CD1D: variants seen among roughly 807,000 people sequenced by gnomAD.
CD1D encodes the protein CD1d molecule, also known as antigen-presenting glycoprotein CD1d.
A neutral mutation model predicts 42.1 loss-of-function variants in CD1D; 40 were observed. The observed-to-expected ratio is 0.95, with a 90% CI of 0.74 to 1.24. The LOEUF (loss-of-function observed/expected upper bound fraction) is 1.24. Ranked by LOEUF, CD1D falls within the 50% of genes most tolerant of loss-of-function variation. The pLI is 0.00. For synonymous variants in CD1D, 178 were observed against 171.8 expected, an observed-to-expected ratio of 1.04 and a Z score of -0.28; for missense variants, 437 against 416.5, an observed-to-expected ratio of 1.05 and a Z score of -0.43.
intron 2 of CD1D, 22 bp from the exon 3 acceptor site, chr1:158,182,010 C>G (rs560271840): frequency 8.3e-6 from 13 of 1,569,222 alleles, no homozygotes. Flanking sequence ...CTTCTTTGAT[C>G]TTTCTCCATT....
chr1:158,178,568 A>G (rs1022393687), upstream of CD1D, among the ~76,000 whole-genome samples: 1 of 152,200 alleles, frequency 6.6e-6, no homozygotes, highest in Non-Finnish European at 1.5e-5. Context: ...TCAGGCTCCA[A>G]GGTTTTGGTC....
upstream of CD1D, chr1:158,179,952 C>T (rs1248973319): frequency 6.6e-6 from 1 of 152,160 alleles, no homozygotes; most frequent in Admixed American, 6.5e-5. Flanking sequence ...ATTTTGTTTT[C>T]TACCCAAGAA....
chr1:158,184,360 CACT>C lies in CD1D; in HGVS notation c.*213_*215del. 1 of 604,162 alleles carries C rather than the reference CACT, an allele frequency of 1.7e-6. No homozygotes were observed. Among genetic ancestry groups the C allele is most frequent in the Non-Finnish European group, 2.9e-6 (1 of 343,760 alleles). 37.4% of individuals were successfully genotyped at this position (604,162 alleles called of 1,614,324 possible). ...AATTTAAATTCTTTTTCAAAAATTA[CACT>C]ACAAGTTTATAAGCCCAAATGGCTC... On this transcript the variant is annotated 3_prime_UTR_variant, in exon 6 of 6. Transcript: ENST00000674085.
Position 158,183,965 on chromosome 1 carries a change from G to A in CD1D, c.916G>A (p.Ala306Thr). Residue 306 changes from alanine to threonine, a missense_variant, in exon 5 of 6, where the codon GCC (alanine) becomes ACC (threonine). Transcript: ENST00000674085. ...GGSYTSMGLI[A>T]LAVLACLLFL... The stretch of plus-strand genomic sequence containing the variant: ...GAGCTACACCTCCATGGGCTTGATT[G>A]CCTTGGCAGTCCTGGCGTGCTTGCT... The A allele has an allele frequency of 6.2e-7, 1 of 1,614,180 alleles. No individual in the cohort carries two copies. Among genetic ancestry groups the A allele is most frequent in the African/African-American group, 1.3e-5 (1 of 75,046 alleles).
At chr1:158,183,805 A>G in intron 4 of CD1D, 131 bp from the exon 5 acceptor site, 1 of 735,398 alleles carries the variant, frequency 1.4e-6, no homozygotes, top group Non-Finnish European at 2.4e-6. Flanking sequence ...TATGAGGAAT[A>G]GAAATTGGGG....
At position 158,181,574 on chromosome 1, in the gene CD1D, G is replaced by A. The variant is rs762132850; in HGVS notation, c.181G>A (p.Asp61Asn). The A allele has an allele frequency of 6.2e-7, 1 of 1,614,098 alleles. No homozygotes were observed. The highest frequency in any genetic ancestry group is 8.5e-7 in the Non-Finnish European group (1 of 1,180,026). ...GCTGCAGACGCACAGCTGGAGCAAC[G>A]ACTCGGACACCGTCCGCTCTCTGAA... ...GELQTHSWSN[D>N]SDTVRSLKPW... The change falls in exon 2 of 6, where the codon GAC becomes AAC. Residue 61 changes from aspartate (D) to asparagine (N), a missense_variant. Transcript: ENST00000674085.
upstream of CD1D, among the ~76,000 whole-genome samples, chr1:158,179,630 C>A (rs1398544300): frequency 6.6e-6 from 1 of 152,208 alleles, no homozygotes; most frequent in Non-Finnish European, 1.5e-5. Context: ...TGGGACTGCC[C>A]TACTTCTCCT....
At chr1:158,181,397 T>C in intron 1 of CD1D, 58 bp from the exon 2 acceptor site, 1 of 1,597,840 alleles carries the variant, frequency 6.3e-7, no homozygotes, top group South Asian at 1.1e-5. Flanking sequence ...TCCTTCTCTT[T>C]ATGCTGGCTG....
intron 4 of CD1D, 102 bp from the exon 5 acceptor site, chr1:158,183,834 A>G (rs1648574002): frequency 2.3e-6 from 2 of 869,328 alleles, no homozygotes; most frequent in African/African-American, 1.7e-5. Flanking sequence ...GGAGGAGGAA[A>G]TAAGAAGCAC....
upstream of CD1D, among the ~76,000 whole-genome samples, chr1:158,178,062 C>T (rs765142781): frequency 1.2e-4 from 19 of 152,178 alleles, no homozygotes; most frequent in Non-Finnish European, 2.2e-4. Context: ...GACTGGACGT[C>T]CGAGAGGTAA....
chr1:158,180,783 G>A (rs1648353612), upstream of CD1D: 1 of 339,198 alleles, frequency 2.9e-6, no homozygotes, highest in Non-Finnish European at 5.3e-6. Context: ...GTTGTAAAGC[G>A]TCCCACACGT....
chr1:158,180,361 A>T (rs569070610), upstream of CD1D, among the ~76,000 whole-genome samples: 1 of 152,160 alleles, frequency 6.6e-6, no homozygotes, highest in Admixed American at 6.5e-5. Flanking sequence ...GGAGGAAGAG[A>T]GTCTGGGGGC....
upstream of CD1D, among the ~76,000 whole-genome samples, chr1:158,179,098 AAACAG>A (rs1348833167): frequency 2.6e-5 from 4 of 152,236 alleles, no homozygotes; most frequent in Admixed American, 1.3e-4. Flanking sequence ...CACAAAAACT[AAACAG>A]AACTGTTCAA....
chr1:158,183,207 C>T, intron 4 of CD1D, 51 bp downstream of exon 4: 2 of 1,553,116 alleles, frequency 1.3e-6, no homozygotes. Context: ...GGTCCTCAGG[C>T]ATAGAGGGAG....
chr1:158,185,768 T>C lies in CD1D; in HGVS notation c.*1618T>C, dbSNP rs754345298. ...AACAGCCTCAGCAGGACCTGGGAACTTGTTATAAATGCAAATTGTTTTGGG... is the reference window on the plus strand; with the variant it reads ...AACAGCCTCAGCAGGACCTGGGAACCTGTTATAAATGCAAATTGTTTTGGG... On this transcript the variant is annotated 3_prime_UTR_variant, in exon 6 of 6. Coordinates refer to ENST00000674085, the MANE Select transcript of CD1D (RefSeq NM_001371762.2). Among the ~76,000 whole-genome samples, 12 of 152,312 alleles carry C rather than the reference T, an allele frequency of 7.9e-5. No individual in the cohort carries two copies. The highest frequency in any genetic ancestry group is 1.6e-4 in the Non-Finnish European group (11 of 68,028).
At chr1:158,182,734 T>A in intron 3 of CD1D, 144 bp from the exon 4 acceptor site, 1 of 996,356 alleles carries the variant, frequency 1.0e-6, no homozygotes, top group Non-Finnish European at 1.5e-6. Context: ...TGTGGGAGAC[T>A]TCATTTCCAG....
intron 4 of CD1D, 142 bp downstream of exon 4, chr1:158,183,298 G>A: frequency 1.0e-6 from 1 of 1,002,692 alleles, no homozygotes; most frequent in Non-Finnish European, 1.4e-6. Context: ...GATAGAGAGA[G>A]GGGTTCCAGA....
rs1157987175 is a variant in CD1D, at chr1:158,181,447, T to C, written c.62-8T>C. On this transcript the variant is annotated splice_region_variant and splice_polypyrimidine_tract_variant and intron_variant, in intron 1 of 5. Transcript: ENST00000674085. ...TGCTACACGCCTCCAATCTTCATTC[T>C]CTCCCAGTCCCGCAAAGGCTTTTCC... The C allele has an allele frequency of 6.2e-7, 1 of 1,612,552 alleles. No individual in the cohort carries two copies. Among genetic ancestry groups the C allele is most frequent in the Non-Finnish European group, 8.5e-7 (1 of 1,178,842 alleles).
In CD1D at chr1:158,181,462, A is replaced by G. The variant is rs543628432; in HGVS notation, c.69A>G (p.Gln23=). The G allele has an allele frequency of 1.9e-6, 3 of 1,613,804 alleles. No homozygotes were observed. The highest frequency in any genetic ancestry group is 2.7e-5 in the African/African-American group (2 of 75,000). Residue 23 remains glutamine, a synonymous_variant, in exon 2 of 6, where the codon CAA becomes CAG. Transcript: ENST00000674085. ...ATCTTCATTCTCTCCCAGTCCCGCA[A>G]AGGCTTTTCCCCCTCCGCTGCCTCC... ...LQAWGSAEVP[Q]RLFPLRCLQI...
Sources: gnomAD v4.1 joint callset for allele counts (sites outside exome capture counted in the v4.1 genomes callset) on GRCh38, gnomAD v4.1.1 for gene constraint, MANE v1.5 for transcripts, NCBI Gene and HGNC (gene_info 2026-07-23, HGNC 2026-07-21) for gene names.